Variants in HMCN1 observed in about 807,000 individuals in gnomAD.
The protein encoded by HMCN1 is hemicentin 1, also known as hemicentin-1.
A neutral mutation model predicts 625.9 loss-of-function variants in HMCN1; 321 were observed. The ratio of observed to expected loss-of-function variants is 0.51; its 90% CI spans 0.47 to 0.56. The LOEUF (loss-of-function observed/expected upper bound fraction) is 0.56, where lower values mean the gene tolerates loss of function less well. HMCN1 is among the 20% of genes least tolerant of loss of function. The probability of loss-of-function intolerance (pLI) is 0.00; values close to 1 mark genes in which losing one functional copy is unlikely to be tolerated. For synonymous variants in HMCN1, 2,425 were observed against 2,417.6 expected (o/e 1.00, Z -0.09); for missense variants, 6,588 against 6,887.3 (o/e 0.96, Z 1.54).
rs944875625 is a variant in HMCN1, at chr1:186,115,280, T to G, written c.11427T>G (p.Gly3809=). The G allele has an allele frequency of 6.2e-7, 1 of 1,613,950 alleles. No individual in the cohort carries two copies. The highest frequency in any genetic ancestry group is 8.5e-7 in the Non-Finnish European group (1 of 1,179,998). The part of the protein sequence containing the change: ...QVHVPPSIAP[G]PTNMTVIVNV... ...TAGTTCCTCCATCTATTGCTCCGGGTCCTACCAACATGACTGTAATAGTAA... is the reference window on the plus strand; with the variant it reads ...TAGTTCCTCCATCTATTGCTCCGGGGCCTACCAACATGACTGTAATAGTAA... The change falls in exon 75 of 107, where the codon GGT becomes GGG. Residue 3809 remains glycine, a synonymous_variant. Coordinates refer to ENST00000271588, the MANE Select transcript of HMCN1 (RefSeq NM_031935.3).
intron 68 of HMCN1, among the ~76,000 whole-genome samples, chr1:186,101,353 A>G (rs1660375275): frequency 1.3e-5 from 2 of 152,218 alleles, no homozygotes; most frequent in African/African-American, 4.8e-5. Context: ...TAATTGGTAA[A>G]TTCATCACTT....
chr1:185,827,087 G>A (rs1660564815), intron 1 of HMCN1, among the ~76,000 whole-genome samples: 1 of 150,410 alleles, frequency 6.6e-6, no homozygotes, highest in Non-Finnish European at 1.5e-5. Context: ...CAGGAGAATG[G>A]CATGAACCCG....
chr1:185,983,559 A>G (rs1651807208), intron 18 of HMCN1, among the ~76,000 whole-genome samples: 1 of 152,260 alleles, frequency 6.6e-6, no homozygotes, highest in South Asian at 2.1e-4. Flanking sequence ...TTGCAGAATG[A>G]TAGTATTTGA....
rs762376951 is a variant in HMCN1 at position 186,081,413 on chromosome 1, C to T, written c.8787+19C>T. On this transcript the variant is annotated intron_variant, in intron 56 of 106. Coordinates refer to ENST00000271588, the MANE Select transcript of HMCN1 (RefSeq NM_031935.3). ...TCTGCAGGTAAAAGTAAAGAAAGAT[C>T]TAATTTTAAAAGAGCTATTTGACTT... 6.3e-7 allele frequency: 1 copy of T among 1,575,810 alleles called. No homozygotes were observed. Among genetic ancestry groups the T allele is most frequent in the Admixed American group, 1.7e-5 (1 of 59,810 alleles).
chr1:185,865,277 G>A (rs1248220889), intron 3 of HMCN1, among the ~76,000 whole-genome samples: 2 of 152,164 alleles, frequency 1.3e-5, no homozygotes, highest in South Asian at 2.1e-4. Flanking sequence ...GCCCTCTTGG[G>A]TCTCAGCCCA....
intron 1 of HMCN1, among the ~76,000 whole-genome samples, chr1:185,794,294 C>T (rs1658208509): frequency 6.6e-6 from 1 of 151,678 alleles, no homozygotes; most frequent in Non-Finnish European, 1.5e-5. Flanking sequence ...GTATACAGTA[C>T]ATTTGTATTT....
chr1:186,094,458 G>C (rs1389439329), intron 67 of HMCN1, 85 bp downstream of exon 67: 1 of 938,692 alleles, frequency 1.1e-6, no homozygotes, highest in African/African-American at 1.6e-5. Context: ...CTTCCTCAGA[G>C]ATTTAGAAAT....
At chr1:185,929,295 A>G (rs899031917) in intron 10 of HMCN1, among the ~76,000 whole-genome samples, 2 of 152,156 alleles carry the variant, frequency 1.3e-5, no homozygotes, top group African/African-American at 4.8e-5. Context: ...GGGCAGAAGT[A>G]ATGCTAATTA....
chr1:186,166,823 C>T lies in HMCN1; in HGVS notation c.15455C>T (p.Ala5152Val). ...TCTGTTGCAGATATTGATGAGTGTGCTTTGGGTAGGCATACCTGCCACGCT... is the reference window on the plus strand; with the variant it reads ...TCTGTTGCAGATATTGATGAGTGTGTTTTGGGTAGGCATACCTGCCACGCT... ...GRTCQDIDEC[A>V]LGRHTCHAGQ... The change falls in exon 100 of 107, where the codon GCT (alanine) becomes GTT (valine). Residue 5152 changes from alanine (A) to valine (V), a missense_variant. This residue lies in a region of HMCN1 where 1,954 missense variants were observed against 2,013.1 expected (regional missense o/e 0.97). Coordinates refer to ENST00000271588, the MANE Select transcript of HMCN1 (RefSeq NM_031935.3). 1 of 1,614,102 alleles carries T rather than the reference C, an allele frequency of 6.2e-7. No homozygotes were observed. Among genetic ancestry groups the T allele is most frequent in the Middle Eastern group, 1.6e-4 (1 of 6,062 alleles).
At chr1:186,049,068 C>A (rs1297864590) in intron 42 of HMCN1, among the ~76,000 whole-genome samples, 1 of 151,938 alleles carries the variant, frequency 6.6e-6, no homozygotes, top group East Asian at 1.9e-4. Context: ...TCCTCATCTG[C>A]CTGAGTAGTA....
chr1:185,992,694 A>G (rs2102034947), intron 22 of HMCN1, among the ~76,000 whole-genome samples: 1 of 152,272 alleles, frequency 6.6e-6, no homozygotes, highest in African/African-American at 2.4e-5. Context: ...AGGTAGGTCT[A>G]CCTAGCCTCC....
At chr1:185,805,861 C>T (rs943105551) in intron 1 of HMCN1, among the ~76,000 whole-genome samples, 2 of 152,092 alleles carry the variant, frequency 1.3e-5, no homozygotes, top group Non-Finnish European at 2.9e-5. Context: ...CTGGTGCAGA[C>T]AAAATATGTG....
At chr1:186,032,179 A>G (rs1033664516) in intron 36 of HMCN1, among the ~76,000 whole-genome samples, 2 of 152,214 alleles carry the variant, frequency 1.3e-5, no homozygotes, top group African/African-American at 4.8e-5. Flanking sequence ...CAAAGGACCA[A>G]TATCCAGAAT....
At chr1:185,771,127 T>G (rs1326635116) in intron 1 of HMCN1, among the ~76,000 whole-genome samples, 1 of 152,200 alleles carries the variant, frequency 6.6e-6, no homozygotes, top group Non-Finnish European at 1.5e-5. Context: ...AGTATGTCTT[T>G]TTAATGTTTA....
At chr1:185,926,411 A>G (rs1234016182) in intron 9 of HMCN1, among the ~76,000 whole-genome samples, 1 of 152,194 alleles carries the variant, frequency 6.6e-6, no homozygotes, top group Non-Finnish European at 1.5e-5. Context: ...CTGTGTATTT[A>G]ATAACCAGCA....
At chr1:186,019,748 G>T (rs1021107114) in intron 35 of HMCN1, 53 bp downstream of exon 35, 6 of 1,434,120 alleles carry the variant, frequency 4.2e-6, no homozygotes, top group East Asian at 2.3e-5. Context: ...ATATCTTCCT[G>T]GAAATATCAA....
chr1:185,811,592 T>C (rs1487259934), intron 1 of HMCN1, among the ~76,000 whole-genome samples: 1 of 151,772 alleles, frequency 6.6e-6, no homozygotes, highest in Non-Finnish European at 1.5e-5. Context: ...CAAGACCCTG[T>C]CTCTTGAAAA....
chr1:185,946,368 G>A (rs1668346501), intron 11 of HMCN1, among the ~76,000 whole-genome samples: 1 of 151,998 alleles, frequency 6.6e-6, no homozygotes, highest in Admixed American at 6.6e-5. Flanking sequence ...GGCAAAATAT[G>A]TTGCTGTTAT....
intron 2 of HMCN1, among the ~76,000 whole-genome samples, chr1:185,863,387 T>G (rs1165603356): frequency 6.6e-6 from 1 of 152,246 alleles, no homozygotes; most frequent in East Asian, 1.9e-4. Flanking sequence ...GTCCATTCCC[T>G]TGGCCCTATA....
Sources: gnomAD v4.1 joint callset for allele counts (sites outside exome capture counted in the v4.1 genomes callset) on GRCh38, gnomAD v4.1.1 for gene constraint, gnomAD v4.1.1 regional missense constraint, MANE v1.5 for transcripts, NCBI Gene and HGNC (gene_info 2026-07-23, HGNC 2026-07-21) for gene names.